The following MAOB variants were observed in gnomAD, a reference collection of about 807,000 sequenced individuals.
MAOB encodes amine oxidase [flavin-containing] B.
In MAOB, 15 loss-of-function variants were observed where a neutral mutation model predicts 41.9. That is an observed-to-expected ratio of 0.36 (90% CI 0.24 to 0.55). The LOEUF (loss-of-function observed/expected upper bound fraction) is 0.55. MAOB is among the 20% of genes least tolerant of loss of function. The pLI, the probability that MAOB is intolerant of heterozygous loss-of-function variation, is 0.86. For synonymous variants in MAOB, 167 were observed against 144.2 expected, an observed-to-expected ratio of 1.16 and a Z score of -1.13; for missense variants, 345 against 398.7, an observed-to-expected ratio of 0.87 and a Z score of 1.15.
At chrX:43,792,661 A>G (rs2034477799) in intron 8 of MAOB, among the ~76,000 whole-genome samples, 1 of 112,116 alleles carries the variant, frequency 8.9e-6, no homozygotes, top group African/African-American at 3.2e-5. Flanking sequence ...ACCAGTCAGA[A>G]TGGCTATTAT....
chrX:43,839,610 A>G (rs757912818), intron 2 of MAOB, among the ~76,000 whole-genome samples: 18 of 111,826 alleles, frequency 1.6e-4, no homozygotes, highest in Non-Finnish European at 3.0e-4. Context: ...CCAGTTAGAA[A>G]CACTAGAAAT....
At chrX:43,873,622 G>T (rs1462776068) in intron 1 of MAOB, among the ~76,000 whole-genome samples, 1 of 111,654 alleles carries the variant, frequency 9.0e-6, no homozygotes, top group Non-Finnish European at 1.9e-5. Context: ...GATGTTTTCT[G>T]ATGGTGCCCC....
At chrX:43,859,866 T>C (rs1452233634) in intron 1 of MAOB, among the ~76,000 whole-genome samples, 2 of 111,885 alleles carry the variant, frequency 1.8e-5, no homozygotes, top group Non-Finnish European at 3.8e-5. Context: ...CAAATAATAA[T>C]CTATACACAT....
chrX:43,861,196 G>T (rs943379266), intron 1 of MAOB, among the ~76,000 whole-genome samples: 15 of 112,283 alleles, frequency 1.3e-4, no homozygotes, highest in Non-Finnish European at 2.6e-4. Flanking sequence ...TATCTGGCAT[G>T]TAGCCATCCT....
intron 1 of MAOB, among the ~76,000 whole-genome samples, chrX:43,860,328 A>G (rs760587133): frequency 9.0e-6 from 1 of 111,721 alleles, no homozygotes; most frequent in South Asian, 3.8e-4. Flanking sequence ...CAAATATAAC[A>G]TGTCCCAAAC....
chrX:43,818,102 A>G (rs2034840563), intron 3 of MAOB, among the ~76,000 whole-genome samples: 1 of 112,494 alleles, frequency 8.9e-6, no homozygotes, highest in Non-Finnish European at 1.9e-5. Flanking sequence ...AATAATGCTC[A>G]TATAAACAAA....
chrX:43,816,600 C>T (rs1379846734), intron 3 of MAOB, among the ~76,000 whole-genome samples: 1 of 111,874 alleles, frequency 8.9e-6, no homozygotes, highest in Non-Finnish European at 1.9e-5. Context: ...CAACTTTCTA[C>T]AGCCAGCATT....
intron 3 of MAOB, among the ~76,000 whole-genome samples, chrX:43,804,107 A>T (rs1036765802): frequency 3.6e-5 from 4 of 111,328 alleles, no homozygotes; most frequent in African/African-American, 1.3e-4. Context: ...CTTAAGAGAC[A>T]CGCAAAAAAA....
At chrX:43,831,919 G>A (rs2035023636) in intron 3 of MAOB, among the ~76,000 whole-genome samples, 1 of 111,330 alleles carries the variant, frequency 9.0e-6, no homozygotes, top group Admixed American at 9.6e-5. Context: ...TGATTTTGTT[G>A]ATTATATAAT....
chrX:43,807,370 T>C (rs2034678874), intron 3 of MAOB, among the ~76,000 whole-genome samples: 1 of 112,549 alleles, frequency 8.9e-6, no homozygotes, highest in African/African-American at 3.2e-5. Flanking sequence ...CATCGTCTTC[T>C]TCCAGGAAGT....
At chrX:43,796,612 G>C (rs943532088) in intron 6 of MAOB, among the ~76,000 whole-genome samples, 2 of 110,834 alleles carry the variant, frequency 1.8e-5, no homozygotes, top group Non-Finnish European at 3.8e-5. Context: ...AGAGGAGGAG[G>C]GGGAGAGAGA....
rs780620638 is a variant in MAOB, at chrX:43,769,325, C to A, written c.1329G>T (p.Gly443=). 5 of 1,205,806 alleles carry A rather than the reference C, an allele frequency of 4.1e-6. No homozygotes were observed. The African/African-American group carries it at 7.1e-5, about 17-fold the overall frequency. ...ACCCTACCTCTCGGGCTGCTCTCTC[C>A]CCGGCCTCTACAGCCCCCTCCATGT... is the stretch of plus-strand genomic sequence containing the variant. ...SGYMEGAVEA[G]ERAAREILHA... Residue 443 remains glycine (G), a synonymous_variant, in exon 13 of 15, where the codon GGG becomes GGT. Coordinates refer to ENST00000378069, the MANE Select transcript of MAOB (RefSeq NM_000898.5).
chrX:43,787,358 AAATAAT>A (rs1346728423), intron 8 of MAOB, among the ~76,000 whole-genome samples: 170 of 111,764 alleles, frequency 1.5e-3, no homozygotes, highest in African/African-American at 4.8e-3. Flanking sequence ...ATTAAAGGAA[AAATAAT>A]AATAAGGGAA....
At chrX:43,839,979 A>G (rs1337305076) in intron 2 of MAOB, among the ~76,000 whole-genome samples, 1 of 112,366 alleles carries the variant, frequency 8.9e-6, no homozygotes, top group African/African-American at 3.2e-5. Flanking sequence ...GTATTAACAC[A>G]GAAGAAAGGC....
intron 3 of MAOB, among the ~76,000 whole-genome samples, chrX:43,826,783 C>T (rs916074230): frequency 9.0e-6 from 1 of 111,140 alleles, no homozygotes; most frequent in Admixed American, 9.6e-5. Context: ...ATTAACTAAC[C>T]CACTCCTGCA....
intron 3 of MAOB, among the ~76,000 whole-genome samples, chrX:43,809,322 AAGG>A (rs775730687): frequency 9.8e-5 from 11 of 112,459 alleles, no homozygotes; most frequent in Admixed American, 1.9e-4. Flanking sequence ...TGCTCCTAGA[AAGG>A]AGGTTTGCTC....
In MAOB at chrX:43,815,881, CACAT is replaced by C. The variant is rs1287668369; in HGVS notation, c.280-12481_280-12478del. ...TACGCCCCAGAAAATGTTCTCCAAA[CACAT>C]ACACGAAAATGTTAAATATCCATCA... On this transcript the variant is annotated intron_variant, in intron 3 of 14. Coordinates refer to ENST00000378069, the MANE Select transcript of MAOB (RefSeq NM_000898.5). Among the ~76,000 whole-genome samples, 4 of 112,231 alleles carry C rather than the reference CACAT, an allele frequency of 3.6e-5. No homozygotes were observed. The East Asian group carries it at 1.1e-3, about 32-fold the overall frequency.
chrX:43,827,452 G>A (rs928607556), intron 3 of MAOB, among the ~76,000 whole-genome samples: 4 of 111,763 alleles, frequency 3.6e-5, no homozygotes, highest in African/African-American at 1.3e-4. Flanking sequence ...GTGCCTACAT[G>A]TGGCTTCTCC....
intron 3 of MAOB, among the ~76,000 whole-genome samples, chrX:43,811,434 C>T (rs989537163): frequency 9.0e-6 from 1 of 111,356 alleles, no homozygotes; most frequent in Middle Eastern, 4.6e-3. Flanking sequence ...CTGTTGGGAG[C>T]CAGGGTAAGC....
Sources: allele counts gnomAD v4.1 joint callset (sites outside exome capture counted in the v4.1 genomes callset), GRCh38; gene constraint gnomAD v4.1.1; transcripts MANE v1.5; gene names NCBI Gene and HGNC (gene_info 2026-07-23, HGNC 2026-07-21).